THSD4: variants seen among roughly 807,000 people sequenced by gnomAD.
THSD4 encodes thrombospondin type-1 domain-containing protein 4.
THSD4 carries 69 observed loss-of-function variants against 119.0 expected under a neutral mutation model. The ratio of observed to expected loss-of-function variants is 0.58; its 90% CI spans 0.48 to 0.71. The LOEUF (loss-of-function observed/expected upper bound fraction) is 0.71. THSD4 is among the 30% of genes least tolerant of loss of function. The probability of loss-of-function intolerance (pLI) is 0.00; values close to 1 mark genes in which losing one functional copy is unlikely to be tolerated. For missense variants in THSD4, 1,393 were observed against 1,391.1 expected, an observed-to-expected ratio of 1.00 and a Z score of -0.02; for synonymous variants, 524 against 540.4, an observed-to-expected ratio of 0.97 and a Z score of 0.42.
At position 71,314,591 on chromosome 15, in the gene THSD4, G is replaced by A. The variant is rs1046097429; in HGVS notation, c.1015+57876G>A. Reference sequence around the variant, plus strand: ...CAAAGGGCTGGGATTACAGGCATGAGCCACCCACTGTGCCTGGCCATTTTT... The same window carrying A: ...CAAAGGGCTGGGATTACAGGCATGAACCACCCACTGTGCCTGGCCATTTTT... On this transcript the variant is annotated intron_variant, in intron 6 of 17. Transcript: ENST00000261862. 2.6e-5 allele frequency among the ~76,000 whole-genome samples: 4 copies of A among 152,314 alleles called. No homozygotes were observed. The East Asian group carries it at 7.7e-4, about 29-fold the overall frequency.
intron 7 of THSD4, among the ~76,000 whole-genome samples, chr15:71,617,829 A>G (rs1182794588): frequency 6.6e-6 from 1 of 152,248 alleles, no homozygotes; most frequent in Non-Finnish European, 1.5e-5. Flanking sequence ...TTTGAGCTAA[A>G]TTACTAACAT....
At chr15:71,260,405 A>G (rs1324901129) in intron 6 of THSD4, among the ~76,000 whole-genome samples, 1 of 152,176 alleles carries the variant, frequency 6.6e-6, no homozygotes, top group Non-Finnish European at 1.5e-5. Flanking sequence ...CCCATGACCA[A>G]TCTTTTTCAC....
intron 7 of THSD4, among the ~76,000 whole-genome samples, chr15:71,594,658 T>TG (rs555756497): frequency 4.5e-4 from 68 of 152,278 alleles, no homozygotes; most frequent in Middle Eastern, 3.4e-3. Context: ...GCAGCAGACA[T>TG]GGGAAAGCTG....
intron 5 of THSD4, among the ~76,000 whole-genome samples, chr15:71,254,154 T>C (rs1285159712): frequency 3.3e-5 from 5 of 152,194 alleles, no homozygotes; most frequent in Non-Finnish European, 2.9e-5. Context: ...TTGTAGTTAT[T>C]TGAGGAACAG....
chr15:71,296,843 A>C (rs2044869331), intron 6 of THSD4, among the ~76,000 whole-genome samples: 1 of 152,180 alleles, frequency 6.6e-6, no homozygotes, highest in South Asian at 2.1e-4. Flanking sequence ...ATTAGCTATA[A>C]CTAGATTTTT....
intron 7 of THSD4, among the ~76,000 whole-genome samples, chr15:71,461,792 GTTTT>G (rs61134274): frequency 1.4e-5 from 2 of 144,380 alleles, no homozygotes; most frequent in Non-Finnish European, 3.0e-5. Context: ...GCACTGTCAG[GTTTT>G]TTTTTTTTTT....
intron 3 of THSD4, among the ~76,000 whole-genome samples, chr15:71,168,231 A>C (rs1285593533): frequency 6.6e-6 from 1 of 152,252 alleles, no homozygotes; most frequent in African/African-American, 2.4e-5. Context: ...TTAGTAAGGG[A>C]AAATATGTCG....
chr15:71,311,402 A>T (rs533842111), intron 6 of THSD4, among the ~76,000 whole-genome samples: 1 of 152,320 alleles, frequency 6.6e-6, no homozygotes, highest in South Asian at 2.1e-4. Flanking sequence ...GTTTTGGAAG[A>T]TAATGGGTTT....
At chr15:71,593,748 G>A (rs920171612) in intron 7 of THSD4, among the ~76,000 whole-genome samples, 3 of 151,800 alleles carry the variant, frequency 2.0e-5, no homozygotes, top group African/African-American at 7.3e-5. Flanking sequence ...GAAAAAAAAT[G>A]CAAAAATTAG....
intron 3 of THSD4, among the ~76,000 whole-genome samples, chr15:71,159,125 A>G (rs1352146275): frequency 6.6e-6 from 1 of 151,854 alleles, no homozygotes; most frequent in East Asian, 1.9e-4. Context: ...TGAAAATCAG[A>G]TGATGTTTGA....
At chr15:71,359,980 T>C (rs1419064328) in intron 6 of THSD4, among the ~76,000 whole-genome samples, 2 of 152,202 alleles carry the variant, frequency 1.3e-5, no homozygotes, top group Admixed American at 6.5e-5. Context: ...CACCCCAAAA[T>C]TGAGTAGCTT....
chr15:71,588,178 C>T (rs1417610085), intron 7 of THSD4, among the ~76,000 whole-genome samples: 3 of 151,304 alleles, frequency 2.0e-5, no homozygotes, highest in Admixed American at 6.6e-5. Context: ...TGGTAGCGGG[C>T]GCCTGTAGTC....
intron 1 of THSD4, among the ~76,000 whole-genome samples, chr15:71,130,979 C>T (rs1461859849): frequency 2.0e-5 from 3 of 151,416 alleles, no homozygotes; most frequent in Non-Finnish European, 2.9e-5. Context: ...CTCCTGACCT[C>T]GTGATCCGCC....
chr15:71,543,102 G>A (rs2048785109), intron 7 of THSD4, among the ~76,000 whole-genome samples: 1 of 152,140 alleles, frequency 6.6e-6, no homozygotes, highest in Admixed American at 6.5e-5. Flanking sequence ...GGGGAAATGT[G>A]AGTCTGTAGT....
chr15:71,623,926 G>GA (rs11450708), intron 7 of THSD4, among the ~76,000 whole-genome samples: 6,018 of 136,420 alleles, frequency 0.044, 427 homozygotes, highest in African/African-American at 0.13. Context: ...TCCCTCTCAA[G>GA]AAAAAAAAAA....
At chr15:71,547,232 C>T in intron 7 of THSD4, 1 of 1,395,432 alleles carries the variant, frequency 7.2e-7, no homozygotes, top group African/African-American at 1.5e-5. Context: ...TACCAGTTTT[C>T]TTCAGAACAG....
At chr15:71,758,765 C>A (rs1441251188) in intron 15 of THSD4, among the ~76,000 whole-genome samples, 1 of 152,160 alleles carries the variant, frequency 6.6e-6, no homozygotes, top group East Asian at 1.9e-4. Flanking sequence ...TCATGATTTA[C>A]ACATTATCAA....
At chr15:71,388,556 C>A (rs1037715802) in intron 6 of THSD4, among the ~76,000 whole-genome samples, 46 of 152,104 alleles carry the variant, frequency 3.0e-4, no homozygotes, top group Non-Finnish European at 6.5e-4. Flanking sequence ...GAAAGCCAGT[C>A]CCTATAGGAC....
intron 6 of THSD4, among the ~76,000 whole-genome samples, chr15:71,401,181 A>G (rs1292092478): frequency 6.6e-6 from 1 of 152,192 alleles, no homozygotes; most frequent in Non-Finnish European, 1.5e-5. Flanking sequence ...CACTTTAGCA[A>G]TATTTTGCTT....
Sources: allele counts gnomAD v4.1 joint callset (sites outside exome capture counted in the v4.1 genomes callset), GRCh38; gene constraint gnomAD v4.1.1; transcripts MANE v1.5; gene names NCBI Gene and HGNC (gene_info 2026-07-23, HGNC 2026-07-21).